NAA38: variants seen among roughly 807,000 people sequenced by gnomAD.
NAA38 encodes the protein N-alpha-acetyltransferase 38, NatC auxiliary subunit, also known as LSM domain containing 1.
NAA38 carries 15 observed loss-of-function variants against 12.6 expected under a neutral mutation model. The ratio of observed to expected loss-of-function variants is 1.19; its 90% confidence interval spans 0.79 to 1.83. NAA38 has a LOEUF of 1.83. Among genes scored for constraint, NAA38 ranks in the 40% most tolerant of loss-of-function variants. The pLI is 0.00. For synonymous variants in NAA38, 88 were observed against 69.9 expected (o/e 1.26, Z -1.29); for missense variants, 183 against 171.7 (o/e 1.07, Z -0.37).
chr17:7,860,627 C>T (rs2078875942), upstream of NAA38: 1 of 152,132 alleles, frequency 6.6e-6, no homozygotes, highest in South Asian at 2.1e-4. Flanking sequence ...CATTTGTAGC[C>T]ACTGCTCTCA....
upstream of NAA38, chr17:7,858,432 G>A (rs1280714357): frequency 6.2e-7 from 1 of 1,614,206 alleles, no homozygotes; most frequent in Non-Finnish European, 8.5e-7. Context: ...CATCGTGGAA[G>A]TTGCAGGCCA....
chr17:7,857,709 A>G, upstream of NAA38: 1 of 1,303,180 alleles, frequency 7.7e-7, no homozygotes, highest in Non-Finnish European at 9.7e-7. Flanking sequence ...GGTTTCTTAC[A>G]CATCCTTTAG....
At chr17:7,884,848 GAT>G in intron 1 of NAA38, 9 of 1,115,710 alleles carry the variant, frequency 8.1e-6, no homozygotes, top group East Asian at 3.2e-5. Flanking sequence ...AGGAGGAGGA[GAT>G]GGTGGTGTCG....
chr17:7,885,080 C>T, intron 1 of NAA38: 1 of 987,430 alleles, frequency 1.0e-6, no homozygotes, highest in Non-Finnish European at 1.2e-6. Flanking sequence ...GCCCCCGCCG[C>T]CAGGTAAGCG....
intron 2 of NAA38, among the ~76,000 whole-genome samples, chr17:7,874,276 G>T (rs1268470349): frequency 6.6e-6 from 1 of 152,084 alleles, no homozygotes; most frequent in African/African-American, 2.4e-5. Flanking sequence ...CCAAGTTGGG[G>T]GTTTGAATTT....
At chr17:7,859,476 A>T (rs2078866585), upstream of NAA38, 5 of 1,614,116 alleles carry the variant, frequency 3.1e-6, no homozygotes, top group Non-Finnish European at 3.4e-6. Flanking sequence ...GAAGGGAAGA[A>T]CCTGAACATG....
At chr17:7,856,926 C>T (rs913493678) in intron 2 of NAA38, 83 bp from the exon 3 acceptor site, 1 of 1,591,470 alleles carries the variant, frequency 6.3e-7, no homozygotes, top group Non-Finnish European at 8.6e-7. Context: ...CCCCAGAAAA[C>T]AAGGGTTGCA....
intron 2 of NAA38, among the ~76,000 whole-genome samples, chr17:7,874,963 T>C (rs568443491): frequency 6.7e-6 from 1 of 149,580 alleles, no homozygotes; most frequent in Non-Finnish European, 1.5e-5. Context: ...AGAAGGCCAC[T>C]GGTGGGAGGA....
At chr17:7,859,630 C>T (rs751437652), upstream of NAA38, 13 of 1,607,972 alleles carry the variant, frequency 8.1e-6, no homozygotes, top group East Asian at 8.9e-5. Context: ...GATGTACACT[C>T]GTGTAGACTC....
chr17:7,858,006 G>A (rs141207743), upstream of NAA38: 39 of 1,520,302 alleles, frequency 2.6e-5, no homozygotes, highest in African/African-American at 4.1e-5. Flanking sequence ...AAAGGACAAT[G>A]GTTTCCATGT....
rs759738955 is a variant in NAA38, at chr17:7,885,025, CCCG to C, written c.-167+137_-167+139del. The C allele has an allele frequency of 8.3e-4, 949 of 1,150,156 alleles. No individual in the cohort carries two copies. The highest frequency in any genetic ancestry group is 2.1e-3 in the South Asian group (50 of 24,260). The allele number at this position is 1,150,156 out of a possible 1,614,324, so 71.2% of individuals were successfully genotyped here. On this transcript the variant is annotated intron_variant, in intron 1 of 4. Coordinates refer to the NAA38 transcript ENST00000576861. ...ACAGCCCCCCCGGCTGCCACCTCTT[CCCG>C]CCGCCGCCGCCGCCGCCGCCACCGC...
chr17:7,859,716 C>A, upstream of NAA38: 1 of 921,856 alleles, frequency 1.1e-6, no homozygotes, highest in Non-Finnish European at 1.7e-6. Context: ...GGACCCAGAT[C>A]TCCACTCCTC....
intron 2 of NAA38, among the ~76,000 whole-genome samples, chr17:7,870,575 T>C (rs1459006378): frequency 6.6e-6 from 1 of 152,190 alleles, no homozygotes. Flanking sequence ...GTTGAGTTAC[T>C]TCTATTTTAA....
intron 2 of NAA38, among the ~76,000 whole-genome samples, chr17:7,880,151 C>T (rs934370200): frequency 9.2e-5 from 14 of 152,050 alleles, no homozygotes; most frequent in Admixed American, 9.2e-4. Context: ...TGCAGGCAGA[C>T]AGGGAGAATC....
At chr17:7,874,103 G>A (rs1967133343) in intron 2 of NAA38, among the ~76,000 whole-genome samples, 2 of 152,174 alleles carry the variant, frequency 1.3e-5, no homozygotes, top group African/African-American at 2.4e-5. Context: ...CAGGAGCATG[G>A]TTAAAATGAT....
chr17:7,859,008 G>T (rs1264977812), upstream of NAA38: 2 of 579,062 alleles, frequency 3.5e-6, no homozygotes, highest in Non-Finnish European at 5.9e-6. Flanking sequence ...GGAGTGTCTG[G>T]GTCACAGGGG....
intron 2 of NAA38, among the ~76,000 whole-genome samples, chr17:7,874,628 G>T (rs1427009160): frequency 1.3e-5 from 2 of 152,098 alleles, no homozygotes; most frequent in African/African-American, 4.8e-5. Flanking sequence ...GCTCACACCT[G>T]TAATCCCAGC....
At position 7,884,457 on chromosome 17, in the gene NAA38, C is replaced by CATATAT. The variant is rs377079849; in HGVS notation, c.-167+702_-167+707dup. On this transcript the variant is annotated intron_variant, in intron 1 of 4. Transcript: ENST00000576861. ...GAAGTCGAAAACTTTTATATATATACATATATATATATATATATATGTATA... is the reference window on the plus strand; with the variant it reads ...GAAGTCGAAAACTTTTATATATATACATATATATATATATATATATATATATGTATA... Among the ~76,000 whole-genome samples the CATATAT allele has an allele frequency of 4.2e-3, 552 of 130,810 alleles. 7 individuals are homozygous for CATATAT. Among genetic ancestry groups the CATATAT allele is most frequent in the East Asian group, 0.029 (124 of 4,244 alleles). 85.8% of individuals were successfully genotyped at this position (130,810 alleles called of 152,430 possible). A position where few individuals can be genotyped will look rare whatever the true frequency, so the allele number is the denominator to read the frequency against.
At chr17:7,857,683 C>T (rs1313942366), upstream of NAA38, 1 of 1,320,186 alleles carries the variant, frequency 7.6e-7, no homozygotes, top group Non-Finnish European at 9.6e-7. Context: ...TAAGATATCG[C>T]GAGACCTTTA....
Sources: allele counts gnomAD v4.1 joint callset (sites outside exome capture counted in the v4.1 genomes callset), GRCh38; gene constraint gnomAD v4.1.1; transcripts MANE v1.5; gene names NCBI Gene and HGNC (gene_info 2026-07-23, HGNC 2026-07-21).